Variants in AKT3 observed in about 807,000 individuals in gnomAD.
AKT3 encodes AKT serine/threonine kinase 3.
Under a neutral mutation model 65.3 loss-of-function variants are expected in AKT3, and 15 were observed. That is an observed-to-expected ratio of 0.23 (90% confidence interval 0.15 to 0.35). The LOEUF is 0.35. Among genes scored for constraint, AKT3 ranks in the 10% least tolerant of loss-of-function variants. The pLI, the probability that AKT3 is intolerant of heterozygous loss-of-function variation, is 1.00. For synonymous variants in AKT3, 206 were observed against 183.8 expected, an observed-to-expected ratio of 1.12 and a Z score of -0.98; for missense variants, 243 against 576.5, an observed-to-expected ratio of 0.42 and a Z score of 5.92.
chr1:243,849,386 A>ACCC (rs57424400), intron 1 of AKT3, among the ~76,000 whole-genome samples: 8 of 107,020 alleles, frequency 7.5e-5, no homozygotes, highest in African/African-American at 1.2e-4. Flanking sequence ...CCACACACAC[A>ACCC]CCCCCCCCCC....
At chr1:243,623,088 G>C (rs1037499527) in intron 6 of AKT3, among the ~76,000 whole-genome samples, 6 of 152,170 alleles carry the variant, frequency 3.9e-5, no homozygotes, top group African/African-American at 1.4e-4. Flanking sequence ...TGCCTGGTCA[G>C]AGTATTTTTG....
intron 2 of AKT3, among the ~76,000 whole-genome samples, chr1:243,756,478 C>T (rs77548520): frequency 2.0e-5 from 3 of 152,178 alleles, no homozygotes; most frequent in African/African-American, 7.2e-5. Context: ...CTGGCCACAT[C>T]TGAGACAATC....
intron 6 of AKT3, among the ~76,000 whole-genome samples, chr1:243,633,257 T>C (rs767769899): frequency 5.9e-5 from 9 of 152,202 alleles, no homozygotes; most frequent in Non-Finnish European, 1.3e-4. Flanking sequence ...TAGTGAGTTA[T>C]ATTAAACCCT....
At chr1:243,801,032 GT>G (rs562315474) in intron 2 of AKT3, among the ~76,000 whole-genome samples, 121 of 152,170 alleles carry the variant, frequency 8.0e-4, no homozygotes, top group Admixed American at 2.7e-3. Flanking sequence ...GAAAGATGAA[GT>G]TTACCATCTA....
At chr1:243,767,675 A>G (rs909882095) in intron 2 of AKT3, among the ~76,000 whole-genome samples, 1 of 152,126 alleles carries the variant, frequency 6.6e-6, no homozygotes, top group African/African-American at 2.4e-5. Context: ...AGTATCTGAG[A>G]TTTGCTTCAA....
At chr1:243,700,412 C>T (rs970252239) in intron 2 of AKT3, among the ~76,000 whole-genome samples, 1 of 152,020 alleles carries the variant, frequency 6.6e-6, no homozygotes, top group Admixed American at 6.6e-5. Context: ...CAAACGATCT[C>T]AATGATTTTG....
At chr1:243,794,137 G>T (rs1345881097) in intron 2 of AKT3, 1 of 152,234 alleles carries the variant, frequency 6.6e-6, no homozygotes, top group Non-Finnish European at 1.5e-5. Flanking sequence ...AGGCGTAGGT[G>T]ATCCTCTCGC....
intron 2 of AKT3, among the ~76,000 whole-genome samples, chr1:243,765,933 T>C (rs752019438): frequency 3.3e-5 from 5 of 152,152 alleles, no homozygotes; most frequent in Non-Finnish European, 5.9e-5. Flanking sequence ...AATTATACAA[T>C]TTTTTGGCTG....
At chr1:243,496,348 G>A (rs572577782), downstream of AKT3, among the ~76,000 whole-genome samples, 10 of 152,266 alleles carry the variant, frequency 6.6e-5, no homozygotes, top group South Asian at 4.1e-4. Flanking sequence ...GGCGGGAGGC[G>A]AGCCACCAAG....
At chr1:243,835,750 G>T (rs920746117) in intron 2 of AKT3, among the ~76,000 whole-genome samples, 3 of 152,044 alleles carry the variant, frequency 2.0e-5, no homozygotes, top group Non-Finnish European at 2.9e-5. Context: ...TGTTGAGAAT[G>T]CATACTGTTA....
At chr1:243,647,869 A>C (rs1680959564) in intron 4 of AKT3, among the ~76,000 whole-genome samples, 1 of 152,244 alleles carries the variant, frequency 6.6e-6, no homozygotes. Flanking sequence ...AATATTATGT[A>C]AGTTGTAGAT....
intron 4 of AKT3, among the ~76,000 whole-genome samples, chr1:243,663,344 C>T (rs576870216): frequency 6.6e-6 from 1 of 152,006 alleles, no homozygotes; most frequent in South Asian, 2.1e-4. Flanking sequence ...ATTAGCCCAA[C>T]TTAGTGATTA....
chr1:243,492,610 T>TTTG (rs1558548631), intron 13 of AKT3, among the ~76,000 whole-genome samples: 1 of 140,318 alleles, frequency 7.1e-6, no homozygotes. Context: ...AGCTGTTTTT[T>TTTG]TTTTTTTTTT....
chr1:243,592,779 A>T (rs998838596), intron 8 of AKT3, among the ~76,000 whole-genome samples: 3 of 152,220 alleles, frequency 2.0e-5, no homozygotes, highest in Non-Finnish European at 4.4e-5. Context: ...TATTGGAAAT[A>T]GTAACTGTGT....
chr1:243,788,873 A>T (rs1411518486), intron 2 of AKT3: 1 of 152,320 alleles, frequency 6.6e-6, no homozygotes, highest in African/African-American at 2.4e-5. Context: ...ACTCTTCCTT[A>T]TGAAATATAT....
intron 2 of AKT3, among the ~76,000 whole-genome samples, chr1:243,702,309 T>TTAA (rs1230207539): frequency 6.6e-6 from 1 of 152,172 alleles, no homozygotes; most frequent in Non-Finnish European, 1.5e-5. Flanking sequence ...ATCATTAAAA[T>TTAA]GCTCCAGGCA....
At chr1:243,626,461 A>G (rs1679169508) in intron 6 of AKT3, among the ~76,000 whole-genome samples, 1 of 152,200 alleles carries the variant, frequency 6.6e-6, no homozygotes. Flanking sequence ...AATTTCAAAG[A>G]ATGCACCAAG....
intron 12 of AKT3, among the ~76,000 whole-genome samples, chr1:243,535,352 T>C (rs1671853826): frequency 6.6e-6 from 1 of 152,072 alleles, no homozygotes; most frequent in Non-Finnish European, 1.5e-5. Flanking sequence ...AGGTGACTTT[T>C]CATCCCTCAC....
chr1:243,795,464 T>TTTTTTTTTTTTG, intron 2 of AKT3, among the ~76,000 whole-genome samples: 1 of 96,670 alleles, frequency 1.0e-5, no homozygotes, highest in Admixed American at 1.3e-4. Context: ...TTTTTTTTGT[T>TTTTTTTTTTTTG]TTTTTTTTTT....
Sources: gnomAD v4.1 joint callset for allele counts (sites outside exome capture counted in the v4.1 genomes callset) on GRCh38, gnomAD v4.1.1 for gene constraint, MANE v1.5 for transcripts, NCBI Gene and HGNC (gene_info 2026-07-23, HGNC 2026-07-21) for gene names.